Variants in DOK6 observed in about 807,000 individuals in gnomAD.
DOK6 encodes downstream of tyrosine kinase 6.
DOK6 carries 22 observed loss-of-function variants against 44.0 expected under a neutral mutation model. That is an observed-to-expected ratio of 0.50 (90% CI 0.36 to 0.71). The LOEUF (loss-of-function observed/expected upper bound fraction) is 0.71. DOK6 is among the 30% of genes least tolerant of loss of function. The probability of loss-of-function intolerance (pLI) is 0.00; values close to 1 mark genes in which losing one functional copy is unlikely to be tolerated. For synonymous variants in DOK6, 166 were observed against 145.5 expected (o/e 1.14, Z -1.01); for missense variants, 340 against 416.4 (o/e 0.82, Z 1.60).
chr18:69,486,541 C>T (rs980044523), intron 1 of DOK6, among the ~76,000 whole-genome samples: 25 of 152,172 alleles, frequency 1.6e-4, no homozygotes, highest in Non-Finnish European at 3.1e-4. Flanking sequence ...ATTCTGGAAA[C>T]TTACATTGTG....
chr18:69,463,136 C>T (rs187341685), intron 1 of DOK6, among the ~76,000 whole-genome samples: 17 of 152,182 alleles, frequency 1.1e-4, no homozygotes, highest in Non-Finnish European at 1.9e-4. Context: ...GCCTGCTTCC[C>T]GGTTCATAGA....
chr18:69,771,203 T>C (rs1301679131), intron 7 of DOK6, among the ~76,000 whole-genome samples: 1 of 152,002 alleles, frequency 6.6e-6, no homozygotes, highest in East Asian at 1.9e-4. Context: ...CACTACCATA[T>C]ATTAACATTT....
intron 7 of DOK6, among the ~76,000 whole-genome samples, chr18:69,810,444 A>G (rs561838321): frequency 6.6e-6 from 1 of 152,132 alleles, no homozygotes; most frequent in Admixed American, 6.6e-5. Context: ...AACCACAGGA[A>G]ATGAAAATGA....
chr18:69,473,642 A>T (rs1369495666), intron 1 of DOK6, among the ~76,000 whole-genome samples: 1 of 152,210 alleles, frequency 6.6e-6, no homozygotes. Context: ...TGGCAGACCA[A>T]TCCCATGTCC....
At chr18:69,628,468 T>C (rs1285869267) in intron 3 of DOK6, among the ~76,000 whole-genome samples, 1 of 152,078 alleles carries the variant, frequency 6.6e-6, no homozygotes, top group Non-Finnish European at 1.5e-5. Context: ...TCAGCCTGGG[T>C]GACAGAGTAA....
chr18:69,410,276 T>C (rs1978300497), intron 1 of DOK6, among the ~76,000 whole-genome samples: 1 of 152,252 alleles, frequency 6.6e-6, no homozygotes, highest in Non-Finnish European at 1.5e-5. Context: ...CTGCAGAACT[T>C]GATCCTTCCG....
At chr18:69,763,452 A>G (rs1481147651) in intron 7 of DOK6, among the ~76,000 whole-genome samples, 1 of 152,196 alleles carries the variant, frequency 6.6e-6, no homozygotes, top group South Asian at 2.1e-4. Context: ...AGGGATGAAC[A>G]TGATTTTAAA....
chr18:69,631,663 T>C (rs1447524739), intron 3 of DOK6, among the ~76,000 whole-genome samples: 1 of 152,230 alleles, frequency 6.6e-6, no homozygotes, highest in Non-Finnish European at 1.5e-5. Flanking sequence ...TGTCACAGAC[T>C]GTTCAGATGT....
At chr18:69,683,630 AAAAGCAAG>A (rs1431601085) in intron 4 of DOK6, among the ~76,000 whole-genome samples, 24 of 152,198 alleles carry the variant, frequency 1.6e-4, no homozygotes, top group African/African-American at 5.3e-4. Context: ...AGAAGCTAGA[AAAAGCAAG>A]AAAGGATTCT....
At chr18:69,806,080 C>T (rs1790954) in intron 7 of DOK6, among the ~76,000 whole-genome samples, 111,573 of 151,594 alleles carry the variant, frequency 0.74, 41,514 homozygotes, top group Admixed American at 0.78. Context: ...AGTTTTAAAC[C>T]GAAATTTTTA....
chr18:69,475,979 T>C (rs998978741), intron 1 of DOK6, among the ~76,000 whole-genome samples: 3 of 144,990 alleles, frequency 2.1e-5, no homozygotes, highest in African/African-American at 7.5e-5. Flanking sequence ...GGAGTATGAC[T>C]GGTCCCATCA....
chr18:69,476,115 A>G (rs1277102081), intron 1 of DOK6, among the ~76,000 whole-genome samples: 1 of 137,270 alleles, frequency 7.3e-6, no homozygotes, highest in Non-Finnish European at 1.6e-5. Flanking sequence ...GGGGTGGTGG[A>G]GGTTCCACTT....
chr18:69,476,096 T>C (rs1287106386), intron 1 of DOK6, among the ~76,000 whole-genome samples: 1 of 145,662 alleles, frequency 6.9e-6, no homozygotes, highest in East Asian at 1.9e-4. Flanking sequence ...TTTATATCCA[T>C]GAGGCCTGGG....
intron 1 of DOK6, among the ~76,000 whole-genome samples, chr18:69,407,819 A>T (rs1916235376): frequency 6.6e-6 from 1 of 152,224 alleles, no homozygotes; most frequent in Non-Finnish European, 1.5e-5. Context: ...AATTATTTGC[A>T]ATAATTCTTG....
chr18:69,790,582 T>C (rs1217933945), intron 7 of DOK6, among the ~76,000 whole-genome samples: 1 of 152,190 alleles, frequency 6.6e-6, no homozygotes, highest in Non-Finnish European at 1.5e-5. Flanking sequence ...TGGTTTTCTA[T>C]ATTTAGTAAT....
intron 6 of DOK6, among the ~76,000 whole-genome samples, chr18:69,744,700 A>G (rs1194034546): frequency 6.6e-6 from 1 of 151,848 alleles, no homozygotes; most frequent in Non-Finnish European, 1.5e-5. Context: ...CGAGGCGGAC[A>G]GATCACTTGA....
chr18:69,487,251 G>C (rs1216743657), intron 1 of DOK6, among the ~76,000 whole-genome samples: 1 of 151,164 alleles, frequency 6.6e-6, no homozygotes, highest in Non-Finnish European at 1.5e-5. Context: ...GTGTTGGGGG[G>C]TATCAGCCCT....
At position 69,599,514 on chromosome 18, in the gene DOK6, C is replaced by T. The variant is rs113676446; in HGVS notation, c.289+16C>T. 3.7e-6 allele frequency: 6 copies of T among 1,601,232 alleles called. No individual in the cohort carries two copies. The highest frequency in any genetic ancestry group is 5.1e-6 in the Non-Finnish European group (6 of 1,170,232). ...TGTGAGTCAGGTAAGCTATTATTGG[C>T]CATCTACCCCTTGAGGAAATTGAGC... On this transcript the variant is annotated intron_variant, in intron 3 of 7. Transcript: ENST00000382713.
chr18:69,830,828 A>G (rs1981880689), intron 7 of DOK6, among the ~76,000 whole-genome samples: 1 of 152,198 alleles, frequency 6.6e-6, no homozygotes, highest in African/African-American at 2.4e-5. Context: ...GAAAAGGAGA[A>G]CATGTTCAGG....
Sources: allele counts gnomAD v4.1 joint callset (sites outside exome capture counted in the v4.1 genomes callset), GRCh38; gene constraint gnomAD v4.1.1; transcripts MANE v1.5; gene names NCBI Gene and HGNC (gene_info 2026-07-23, HGNC 2026-07-21).